CCDC13: variants seen among roughly 807,000 people sequenced by gnomAD.
The protein encoded by CCDC13 is coiled-coil domain containing 13.
In CCDC13, 70 loss-of-function variants were observed where a neutral mutation model predicts 87.3. The observed-to-expected ratio is 0.80, with a 90% CI of 0.66 to 0.98. The LOEUF (loss-of-function observed/expected upper bound fraction) is 0.98. Among genes scored for constraint, CCDC13 ranks in the 50% least tolerant of loss-of-function variants. CCDC13 has a pLI of 0.00. For synonymous variants in CCDC13, 317 were observed against 360.3 expected, an observed-to-expected ratio of 0.88 and a Z score of 1.36; for missense variants, 842 against 892.0, an observed-to-expected ratio of 0.94 and a Z score of 0.71.
chr3:42,749,253 G>A (rs1466190323), intron 5 of CCDC13, among the ~76,000 whole-genome samples: 1 of 152,164 alleles, frequency 6.6e-6, no homozygotes. Flanking sequence ...AGCGCCATGA[G>A]CCCCAGTGGC....
chr3:42,722,769 T>C (rs922364691), intron 13 of CCDC13, among the ~76,000 whole-genome samples: 10 of 150,516 alleles, frequency 6.6e-5, no homozygotes, highest in African/African-American at 2.4e-4. Context: ...GCCTGTGGAG[T>C]AGCCATTCTT....
rs775561190 is a variant in CCDC13, at chr3:42,733,485, C to T, written c.1496G>A (p.Arg499Lys). 1 of 1,614,190 alleles carries T rather than the reference C, an allele frequency of 6.2e-7. No individual in the cohort carries two copies. Among genetic ancestry groups the T allele is most frequent in the South Asian group, 1.1e-5 (1 of 91,072 alleles). Residue 499 changes from arginine to lysine, a missense_variant, in exon 11 of 16, where the codon AGG becomes AAG. Arg to Lys is a conservative substitution (Grantham distance 26). Coordinates refer to ENST00000310232, the MANE Select transcript of CCDC13 (RefSeq NM_144719.4). ...SPASAGDHVG[R>K]LGSSRSVTSL... ...GTTTTCTTACCGAGAAGATCCAAGC[C>T]TGCCAACATGATCGCCTGCTGAGGC...
At chr3:42,747,549 A>G (rs1254035254) in intron 5 of CCDC13, among the ~76,000 whole-genome samples, 176 bp from the exon 6 acceptor site, 1 of 152,226 alleles carries the variant, frequency 6.6e-6, no homozygotes. Context: ...CCCCTTATAG[A>G]TGCAAAATGG....
intron 5 of CCDC13, 59 bp from the exon 6 acceptor site, chr3:42,747,432 C>T (rs1699443863): frequency 8.8e-7 from 1 of 1,131,852 alleles, no homozygotes; most frequent in Non-Finnish European, 1.3e-6. Flanking sequence ...GAATAGTAAT[C>T]ATAGCCCCCA....
chr3:42,771,063 G>A (rs1026890655), intron 1 of CCDC13: 1 of 152,118 alleles, frequency 6.6e-6, no homozygotes, highest in Non-Finnish European at 1.5e-5. Context: ...AAAAAAACAA[G>A]ATGTACTTCA....
At chr3:42,753,581 G>A (rs1699636872) in intron 3 of CCDC13, among the ~76,000 whole-genome samples, 1 of 152,220 alleles carries the variant, frequency 6.6e-6, no homozygotes, top group Non-Finnish European at 1.5e-5. Flanking sequence ...ATTCTAATAT[G>A]TAGCAGGAAT....
At chr3:42,722,401 A>G (rs1169436096) in intron 13 of CCDC13, among the ~76,000 whole-genome samples, 1 of 152,214 alleles carries the variant, frequency 6.6e-6, no homozygotes, top group African/African-American at 2.4e-5. Flanking sequence ...GGAGCTGGGT[A>G]AAATAAGGCT....
chr3:42,751,159 G>A (rs1559656755), intron 5 of CCDC13, among the ~76,000 whole-genome samples: 1 of 152,200 alleles, frequency 6.6e-6, no homozygotes, highest in Non-Finnish European at 1.5e-5. Context: ...GGAAGATGGG[G>A]CTAGAAAACA....
chr3:42,766,969 C>T (rs1387699775), intron 1 of CCDC13, among the ~76,000 whole-genome samples: 1 of 152,188 alleles, frequency 6.6e-6, no homozygotes, highest in African/African-American at 2.4e-5. Context: ...CAGTGAGAAA[C>T]TACACGCTTT....
Position 42,709,703 on chromosome 3 carries a change from T to C in CCDC13, c.1969A>G (p.Met657Val). 1 of 1,613,752 alleles carries C rather than the reference T, an allele frequency of 6.2e-7. No homozygotes were observed. The highest frequency in any genetic ancestry group is 8.5e-7 in the Non-Finnish European group (1 of 1,179,704). The change falls in exon 15 of 16, where the codon ATG becomes GTG. Residue 657 changes from methionine (M) to valine (V), a missense_variant. Transcript: ENST00000310232. Reference sequence around the variant, plus strand: ...GAGCACCTGGTTGTCAGCTCTTCCATTTGGGATTCCACGGGCACATCGGAG... The same window carrying C: ...GAGCACCTGGTTGTCAGCTCTTCCACTTGGGATTCCACGGGCACATCGGAG... Reference protein sequence around the residue: ...QLSDVPVESQMEELTTRLAIQ... With the variant: ...QLSDVPVESQVEELTTRLAIQ...
chr3:42,746,959 C>G, intron 6 of CCDC13: 1 of 506,648 alleles, frequency 2.0e-6, no homozygotes, highest in African/African-American at 1.9e-5. Context: ...TTAATGGACT[C>G]TCCCTGGGTG....
At chr3:42,726,894 G>C (rs1321613987) in intron 13 of CCDC13, among the ~76,000 whole-genome samples, 1 of 152,030 alleles carries the variant, frequency 6.6e-6, no homozygotes, top group Non-Finnish European at 1.5e-5. Context: ...AAGCATCGGA[G>C]AGAAAGGACA....
intron 7 of CCDC13, 83 bp from the exon 8 acceptor site, chr3:42,743,140 A>G: frequency 6.8e-7 from 1 of 1,480,552 alleles, no homozygotes; most frequent in Non-Finnish European, 9.3e-7. Context: ...GACCCCACAG[A>G]CTGAAGATGG....
chr3:42,725,533 C>CA (rs56224625), intron 13 of CCDC13, among the ~76,000 whole-genome samples: 4,007 of 91,414 alleles, frequency 0.044, 277 homozygotes, highest in African/African-American at 0.14. Flanking sequence ...GACCCTGTCT[C>CA]AAAAAAAAAA....
chr3:42,735,725 G>C lies in CCDC13; in HGVS notation c.1353C>G (p.Ile451Met). 2 of 1,614,170 alleles carry C rather than the reference G, an allele frequency of 1.2e-6. No individual in the cohort carries two copies. Among genetic ancestry groups the C allele is most frequent in the Non-Finnish European group, 1.7e-6 (2 of 1,180,030 alleles). The change falls in exon 10 of 16, where the codon ATC (isoleucine) becomes ATG (methionine). Residue 451 changes from isoleucine (I) to methionine (M), a missense_variant. By Grantham distance (10) the Ile-to-Met change is conservative. Transcript: ENST00000310232. ...TACTCACGTGCACATTGAGTTGTCCGATCTCCATCTCCAGCTGTCGCACTT... is the reference window on the plus strand; with the variant it reads ...TACTCACGTGCACATTGAGTTGTCCCATCTCCATCTCCAGCTGTCGCACTT... ...EAKVRQLEME[I>M]GQLNVHYLRN...
intron 9 of CCDC13, among the ~76,000 whole-genome samples, chr3:42,736,284 C>T (rs934433191): frequency 1.2e-4 from 18 of 152,226 alleles, no homozygotes; most frequent in Middle Eastern, 3.4e-3. Context: ...GTACCTGGAC[C>T]CCTGCCAGGG....
intron 14 of CCDC13, among the ~76,000 whole-genome samples, chr3:42,712,699 G>C (rs1028120475): frequency 1.3e-5 from 2 of 152,202 alleles, no homozygotes; most frequent in African/African-American, 4.8e-5. Flanking sequence ...ACAAAACAGA[G>C]GGAGCTTGGG....
chr3:42,726,324 G>GCC (rs1698687512), intron 13 of CCDC13, among the ~76,000 whole-genome samples: 1 of 152,202 alleles, frequency 6.6e-6, no homozygotes, highest in African/African-American at 2.4e-5. Context: ...TTACAGGCAT[G>GCC]AGCCACTGTG....
At chr3:42,752,483 G>T in intron 4 of CCDC13, 92 bp downstream of exon 4, 1 of 1,509,806 alleles carries the variant, frequency 6.6e-7, no homozygotes, top group Non-Finnish European at 9.0e-7. Context: ...TCCAACTTCA[G>T]CTCTCCCGGC....
Sources: allele counts gnomAD v4.1 joint callset (sites outside exome capture counted in the v4.1 genomes callset), GRCh38; gene constraint gnomAD v4.1.1; transcripts MANE v1.5; gene names NCBI Gene and HGNC (gene_info 2026-07-23, HGNC 2026-07-21).